Variants in THSD4 observed in about 807,000 individuals in gnomAD.
The protein encoded by THSD4 is thrombospondin type 1 domain containing 4.
A neutral mutation model predicts 119.0 loss-of-function variants in THSD4; 69 were observed. That is an observed-to-expected ratio of 0.58 (90% CI 0.48 to 0.71). The LOEUF (loss-of-function observed/expected upper bound fraction) is 0.71, where lower values mean the gene tolerates loss of function less well. THSD4 is among the 30% of genes least tolerant of loss of function. The pLI is 0.00. For synonymous variants in THSD4, 524 were observed against 540.4 expected, an observed-to-expected ratio of 0.97 and a Z score of 0.42; for missense variants, 1,393 against 1,391.1, an observed-to-expected ratio of 1.00 and a Z score of -0.02.
chr15:71,757,844 AGT>A (rs1380527640), intron 14 of THSD4, 56 bp from the exon 15 acceptor site: 1 of 1,596,696 alleles, frequency 6.3e-7, no homozygotes, highest in Non-Finnish European at 8.5e-7. Context: ...ATCATTTGAA[AGT>A]GGCTTCAGCA....
At chr15:71,544,498 G>A (rs1320866799) in intron 7 of THSD4, among the ~76,000 whole-genome samples, 1 of 152,122 alleles carries the variant, frequency 6.6e-6, no homozygotes, top group Non-Finnish European at 1.5e-5. Flanking sequence ...TCAAAAAAGT[G>A]GAAAATAATA....
intron 6 of THSD4, among the ~76,000 whole-genome samples, chr15:71,326,135 T>G (rs1441624492): frequency 1.3e-5 from 2 of 152,180 alleles, no homozygotes; most frequent in Non-Finnish European, 2.9e-5. Context: ...AAGAAAGAAA[T>G]GGTTTGAACC....
At chr15:71,410,649 A>G (rs2046674180) in intron 6 of THSD4, among the ~76,000 whole-genome samples, 2 of 152,192 alleles carry the variant, frequency 1.3e-5, no homozygotes, top group Non-Finnish European at 2.9e-5. Flanking sequence ...AAGCCACTTA[A>G]ATACCTCATA....
Position 71,391,117 on chromosome 15 carries a change from C to T in THSD4, c.1016-20570C>T, listed in dbSNP as rs563076827. On this transcript the variant is annotated intron_variant, in intron 6 of 17. Transcript: ENST00000261862. ...AATCTCGGCTCACTGCAAGCTCCGC[C>T]TCCCGGGTTCACACCATTCTCCTGC... 2.0e-5 allele frequency among the ~76,000 whole-genome samples: 3 copies of T among 151,672 alleles called. No individual in the cohort carries two copies. In the South Asian group the frequency reaches 6.2e-4, roughly 32 times the overall value.
chr15:71,132,840 G>T (rs969639163), intron 1 of THSD4, among the ~76,000 whole-genome samples: 1 of 152,206 alleles, frequency 6.6e-6, no homozygotes, highest in East Asian at 1.9e-4. Context: ...ATGTACACAC[G>T]TGCTCACCAG....
At chr15:71,615,405 G>A (rs17795798) in intron 7 of THSD4, among the ~76,000 whole-genome samples, 26,886 of 152,150 alleles carry the variant, frequency 0.18, 2,914 homozygotes, top group Non-Finnish European at 0.24. Context: ...CCACTTTACT[G>A]TGCTGAGGAA....
At chr15:71,649,532 C>T (rs1203071195) in intron 7 of THSD4, among the ~76,000 whole-genome samples, 2 of 152,222 alleles carry the variant, frequency 1.3e-5, no homozygotes, top group African/African-American at 2.4e-5. Flanking sequence ...CTACCTCAGC[C>T]TCCCAAATTG....
At chr15:71,673,244 C>A (rs1391840628) in intron 8 of THSD4, among the ~76,000 whole-genome samples, 1 of 152,128 alleles carries the variant, frequency 6.6e-6, no homozygotes, top group Middle Eastern at 3.2e-3. Context: ...GGAATTTATC[C>A]ATTTCTTCTA....
intron 8 of THSD4, among the ~76,000 whole-genome samples, chr15:71,714,144 A>C (rs950947747): frequency 2.0e-5 from 3 of 152,232 alleles, no homozygotes; most frequent in Admixed American, 6.5e-5. Flanking sequence ...CTTAATACTT[A>C]ACCTTCCTGA....
chr15:71,298,937 C>T (rs534449113), intron 6 of THSD4, among the ~76,000 whole-genome samples: 423 of 152,274 alleles, frequency 2.8e-3, no homozygotes, highest in Non-Finnish European at 4.8e-3. Context: ...ATTTCAATCA[C>T]CTCAATGGCT....
At position 71,262,700 on chromosome 15, in the gene THSD4, C is replaced by T. The variant is rs771979195; in HGVS notation, c.1015+5985C>T. On this transcript the variant is annotated intron_variant, in intron 6 of 17. Transcript: ENST00000261862. Reference sequence around the variant, plus strand: ...GGAGGCTGAGTCAGAAAGTGAAGGTCGCCAACTGGTGACATGAACAGTGAT... The same window carrying T: ...GGAGGCTGAGTCAGAAAGTGAAGGTTGCCAACTGGTGACATGAACAGTGAT... Among the ~76,000 whole-genome samples, 8 of 152,256 alleles carry T rather than the reference C, an allele frequency of 5.3e-5. 1 individual carries two copies. The East Asian group carries it at 5.8e-4, about 11-fold the overall frequency.
chr15:71,376,152 T>G (rs936150739), intron 6 of THSD4, among the ~76,000 whole-genome samples: 1 of 152,170 alleles, frequency 6.6e-6, no homozygotes, highest in Non-Finnish European at 1.5e-5. Context: ...ATGTCTGTCA[T>G]GGGTGCAGGA....
intron 6 of THSD4, among the ~76,000 whole-genome samples, chr15:71,328,342 G>A (rs753101048): frequency 6.6e-6 from 1 of 152,194 alleles, no homozygotes; most frequent in Non-Finnish European, 1.5e-5. Flanking sequence ...AGCTTGGTGG[G>A]TGAAGAATGG....
At chr15:71,407,522 G>T (rs890105291) in intron 6 of THSD4, among the ~76,000 whole-genome samples, 8 of 151,650 alleles carry the variant, frequency 5.3e-5, no homozygotes, top group African/African-American at 1.9e-4. Context: ...TCTTTAACTT[G>T]TATTCGAGTG....
intron 9 of THSD4, 193 bp downstream of exon 9, chr15:71,728,917 G>C (rs1595895927): frequency 3.0e-6 from 2 of 665,966 alleles, no homozygotes; most frequent in East Asian, 5.6e-5. Flanking sequence ...CCAGCTCACA[G>C]CAACCTCCAA....
At chr15:71,500,202 T>G (rs987523753) in intron 7 of THSD4, among the ~76,000 whole-genome samples, 1 of 152,204 alleles carries the variant, frequency 6.6e-6, no homozygotes, top group Non-Finnish European at 1.5e-5. Flanking sequence ...GATATTTCAT[T>G]GTGGTTTTGA....
intron 3 of THSD4, among the ~76,000 whole-genome samples, chr15:71,209,022 T>C (rs1322469045): frequency 6.6e-6 from 1 of 152,192 alleles, no homozygotes; most frequent in Non-Finnish European, 1.5e-5. Context: ...GCATGGCATG[T>C]GTGCTTTGAA....
chr15:71,750,058 G>A (rs1055966866), intron 14 of THSD4, among the ~76,000 whole-genome samples: 1 of 152,058 alleles, frequency 6.6e-6, no homozygotes, highest in African/African-American at 2.4e-5. Flanking sequence ...GGTTCCCAGG[G>A]TCTCTGAGGC....
intron 7 of THSD4, among the ~76,000 whole-genome samples, chr15:71,612,503 T>G (rs1423569081): frequency 6.6e-6 from 1 of 152,234 alleles, no homozygotes; most frequent in African/African-American, 2.4e-5. Context: ...CTCAGGTTGT[T>G]AATGTGTGAA....
Sources: allele counts gnomAD v4.1 joint callset (sites outside exome capture counted in the v4.1 genomes callset), GRCh38; gene constraint gnomAD v4.1.1; transcripts MANE v1.5; gene names NCBI Gene and HGNC (gene_info 2026-07-23, HGNC 2026-07-21).